SAFB2: variants seen among roughly 807,000 people sequenced by gnomAD.
SAFB2 encodes the protein scaffold attachment factor B2.
Under a neutral mutation model 100.6 loss-of-function variants are expected in SAFB2, and 32 were observed. The observed-to-expected ratio is 0.32, with a 90% confidence interval of 0.24 to 0.43. The LOEUF (loss-of-function observed/expected upper bound fraction) is 0.43. Ranked by LOEUF, SAFB2 falls within the 20% of genes least tolerant of loss-of-function variation. The pLI is 1.00. For missense variants in SAFB2, 1,185 were observed against 1,163.4 expected (o/e 1.02, Z -0.27); for synonymous variants, 500 against 439.4 (o/e 1.14, Z -1.72).
intron 13 of SAFB2, among the ~76,000 whole-genome samples, chr19:5,596,824 C>T (rs1279174373): frequency 6.6e-6 from 1 of 152,114 alleles, no homozygotes; most frequent in Non-Finnish European, 1.5e-5. Flanking sequence ...GGGGCAGGGG[C>T]CTGGGAAATG....
rs1257322509 is a variant in SAFB2, at chr19:5,622,570, G to C, written c.146C>G (p.Thr49Arg). The part of the protein sequence containing the change: ...RAELKKRNLD[T>R]GGNKSVLMER... Reference sequence around the variant, plus strand: ...CATCAGGACGCTCTTGTTGCCGCCCGTGTCCAGGTTCCGCTTCTTCAGCTC... The same window carrying C: ...CATCAGGACGCTCTTGTTGCCGCCCCTGTCCAGGTTCCGCTTCTTCAGCTC... Residue 49 changes from threonine to arginine, a missense_variant, in exon 1 of 21, where the codon ACG becomes AGG. By Grantham distance (71) the Thr-to-Arg change is moderately conservative (BLOSUM62 -1). Coordinates refer to ENST00000252542, the MANE Select transcript of SAFB2 (RefSeq NM_014649.3). 1.2e-6 allele frequency: 2 copies of C among 1,613,294 alleles called. No homozygotes were observed. The highest frequency in any genetic ancestry group is 2.7e-5 in the African/African-American group (2 of 74,912).
At chr19:5,622,480 G>C (rs770095889) in intron 1 of SAFB2, 50 bp downstream of exon 1, 8 of 1,484,432 alleles carry the variant, frequency 5.4e-6, no homozygotes, top group Non-Finnish European at 6.3e-6. Flanking sequence ...GGTGCAGGCG[G>C]GGGCGTGCCC....
intron 12 of SAFB2, among the ~76,000 whole-genome samples, chr19:5,599,658 AC>A (rs1310766560): frequency 6.6e-6 from 1 of 152,168 alleles, no homozygotes; most frequent in Non-Finnish European, 1.5e-5. Flanking sequence ...AGCACAATGA[AC>A]CTTTATAAAA....
In SAFB2 at chr19:5,587,413, C is replaced by G; in HGVS notation, c.2706-14G>C. 6 of 1,603,324 alleles carry G rather than the reference C, an allele frequency of 3.7e-6. No homozygotes were observed. Among genetic ancestry groups the G allele is most frequent in the Non-Finnish European group, 5.1e-6 (6 of 1,174,666 alleles). ...AAGCCGCCTCGCCTAGGAACAAAGT[C>G]AGACAATTTTTTTCCCCTTGAAGTG... On this transcript the variant is annotated splice_polypyrimidine_tract_variant and intron_variant, in intron 20 of 20. Coordinates refer to ENST00000252542, the MANE Select transcript of SAFB2 (RefSeq NM_014649.3). The surrounding 1 kb of genome is among the most constrained non-coding windows in gnomAD (Gnocchi z 4.9).
chr19:5,597,018 A>G (rs1056315471), intron 13 of SAFB2, among the ~76,000 whole-genome samples: 1 of 152,154 alleles, frequency 6.6e-6, no homozygotes. Flanking sequence ...AGAGACACAC[A>G]TCACCCAGCA....
intron 5 of SAFB2, among the ~76,000 whole-genome samples, chr19:5,612,842 G>T (rs900895127): frequency 7.2e-5 from 11 of 152,160 alleles, no homozygotes; most frequent in Non-Finnish European, 1.6e-4. Context: ...CCATGACCAA[G>T]CTGACCTAGT....
chr19:5,595,450 G>T lies in SAFB2; in HGVS notation c.1830C>A (p.Asp610Glu). The change falls in exon 14 of 21, where the codon GAC becomes GAA. Residue 610 changes from aspartate (D) to glutamate (E), a missense_variant. Physicochemically the swap from Asp to Glu is conservative, Grantham distance 45 (BLOSUM62 2). Around this residue, in one of 3 missense-constraint regions of SAFB2, gnomAD observed 740 missense variants for 687.1 expected, o/e 1.08. Transcript: ENST00000252542. ...DRKSESKEKR[D>E]ILSFDKIKEQ... The stretch of plus-strand genomic sequence containing the variant: ...CTTTGATTTTATCAAACGACAAGAT[G>T]TCTCTCTTTTCTTTGCTTTCTGACT... 6.2e-7 allele frequency: 1 copy of T among 1,613,900 alleles called. No individual in the cohort carries two copies.
In SAFB2 at chr19:5,597,293, T is replaced by C. The variant is rs1010816910; in HGVS notation, c.1782+1500A>G. 2.0e-5 allele frequency among the ~76,000 whole-genome samples: 3 copies of C among 151,832 alleles called. No homozygotes were observed. The East Asian group carries it at 5.8e-4, about 29-fold the overall frequency. Reference sequence around the variant, plus strand: ...TTTAAACGTTAAAAGAGGCTGGGAGTGGTGGCGCACACCTCTAATCCAGCA... The same window carrying C: ...TTTAAACGTTAAAAGAGGCTGGGAGCGGTGGCGCACACCTCTAATCCAGCA... On this transcript the variant is annotated intron_variant, in intron 13 of 20. Coordinates refer to ENST00000252542, the MANE Select transcript of SAFB2 (RefSeq NM_014649.3).
intron 2 of SAFB2, 54 bp downstream of exon 2, chr19:5,621,255 C>T: frequency 8.4e-7 from 1 of 1,183,878 alleles, no homozygotes; most frequent in South Asian, 1.2e-5. Context: ...ACACTACACA[C>T]CATTTCTCTA....
chr19:5,598,737 G>T, intron 13 of SAFB2, 56 bp downstream of exon 13: 1 of 1,490,614 alleles, frequency 6.7e-7, no homozygotes, highest in Non-Finnish European at 9.4e-7. Flanking sequence ...GATCAAACGG[G>T]CCGTGGAGCC....
In SAFB2 at chr19:5,587,559, G is replaced by A. The variant is rs536512562; in HGVS notation, c.2705+142C>T. On this transcript the variant is annotated intron_variant, in intron 20 of 20. Transcript: ENST00000252542. This position sits in a 1 kb window ranked among gnomAD's most constrained non-coding sequence, Gnocchi z 4.9. Reference sequence around the variant, plus strand: ...ATTGTATTCCAGGTAACTCAAGAGCGTTATTTGCATAAATTGCAAAGAGCT... The same window carrying A: ...ATTGTATTCCAGGTAACTCAAGAGCATTATTTGCATAAATTGCAAAGAGCT... 2.8e-5 allele frequency: 41 copies of A among 1,455,342 alleles called. No homozygotes were observed. In the East Asian group the frequency reaches 5.5e-4, roughly 20 times the overall value. The allele number at this position is 1,455,342 out of a possible 1,614,324, so 90.2% of individuals were successfully genotyped here.
chr19:5,604,970 C>A (rs372005033), intron 9 of SAFB2, 34 bp from the exon 10 acceptor site: 25 of 1,601,016 alleles, frequency 1.6e-5, no homozygotes, highest in Non-Finnish European at 2.0e-5. Context: ...CTCTCTCATA[C>A]AAATGACCAC....
At chr19:5,605,049 T>C (rs1221651250) in intron 9 of SAFB2, 113 bp from the exon 10 acceptor site, 9 of 1,181,862 alleles carry the variant, frequency 7.6e-6, no homozygotes, top group Non-Finnish European at 1.1e-5. Flanking sequence ...CCCCATATGG[T>C]AGTTTTCCAT....
chr19:5,593,495 CCTCT>C (rs971884300), intron 15 of SAFB2: 11 of 194,228 alleles, frequency 5.7e-5, no homozygotes, highest in Admixed American at 4.8e-4. Context: ...GCCTGCTCTG[CCTCT>C]CTGTCTACAA....
At position 5,612,359 on chromosome 19, in the gene SAFB2, A is replaced by C. The variant is rs12610010; in HGVS notation, c.634+181T>G. The C allele has an allele frequency of 3.2e-3, 2,023 of 633,710 alleles. 33 individuals are homozygous for C. The highest frequency in any genetic ancestry group is 0.028 in the East Asian group (1,019 of 36,868). 39.3% of individuals were successfully genotyped at this position (633,710 alleles called of 1,614,324 possible). On this transcript the variant is annotated intron_variant, in intron 6 of 20. Transcript: ENST00000252542. Reference sequence around the variant, plus strand: ...AATGTATTTGACCTCAAGAAGCCAGAATGGCTCTTCCACAGATCTGGTGAT... The same window carrying C: ...AATGTATTTGACCTCAAGAAGCCAGCATGGCTCTTCCACAGATCTGGTGAT...
At chr19:5,621,254 A>G in intron 2 of SAFB2, 55 bp downstream of exon 2, 3 of 1,174,594 alleles carry the variant, frequency 2.6e-6, no homozygotes, top group Middle Eastern at 1.9e-4. Context: ...CACACTACAC[A>G]CCATTTCTCT....
intron 9 of SAFB2, among the ~76,000 whole-genome samples, chr19:5,609,051 C>CAAAAAAAAAAAA (rs60419324): frequency 1.4e-5 from 1 of 72,700 alleles, no homozygotes; most frequent in African/African-American, 5.6e-5. Flanking sequence ...GACGCAGTCT[C>CAAAAAAAAAAAA]AAAAAAAAAA....
chr19:5,587,465 T>A lies in SAFB2; in HGVS notation c.2706-66A>T. 4 of 1,538,632 alleles carry A rather than the reference T, an allele frequency of 2.6e-6. No homozygotes were observed. Among genetic ancestry groups the A allele is most frequent in the Non-Finnish European group, 3.5e-6 (4 of 1,136,782 alleles). On this transcript the variant is annotated intron_variant, in intron 20 of 20. Coordinates refer to ENST00000252542, the MANE Select transcript of SAFB2 (RefSeq NM_014649.3). This position sits in a 1 kb window ranked among gnomAD's most constrained non-coding sequence, Gnocchi z 4.9. Reference sequence around the variant, plus strand: ...TCAGCGTTTTCATCGTAACATGGGTTCAGTAACGGTCCCGCAGCCTTTAGA... The same window carrying A: ...TCAGCGTTTTCATCGTAACATGGGTACAGTAACGGTCCCGCAGCCTTTAGA...
chr19:5,620,557 G>T (rs947635855), intron 2 of SAFB2, among the ~76,000 whole-genome samples: 1 of 152,236 alleles, frequency 6.6e-6, no homozygotes, highest in African/African-American at 2.4e-5. Context: ...ATTATGCTAC[G>T]TGAAAGCTGA....
Sources: gnomAD v4.1 joint callset for allele counts (sites outside exome capture counted in the v4.1 genomes callset) on GRCh38, gnomAD v4.1.1 for gene constraint, gnomAD v4.1.1 regional missense constraint, Gnocchi (gnomAD v3.1) non-coding constraint, MANE v1.5 for transcripts, NCBI Gene and HGNC (gene_info 2026-07-23, HGNC 2026-07-21) for gene names.